The following ATP1A3 variants were observed in gnomAD, a reference collection of about 807,000 sequenced individuals.
ATP1A3 encodes ATPase Na+/K+ transporting subunit alpha 3, also known as sodium/potassium-transporting ATPase subunit alpha-3.
Under a neutral mutation model 108.8 loss-of-function variants are expected in ATP1A3, and 12 were observed. That is an observed-to-expected ratio of 0.11 (90% CI 0.07 to 0.18). The LOEUF (loss-of-function observed/expected upper bound fraction) is 0.18, where lower values mean the gene tolerates loss of function less well. Ranked by LOEUF, ATP1A3 falls within the 10% of genes least tolerant of loss-of-function variation. The pLI, the probability that ATP1A3 is intolerant of heterozygous loss-of-function variation, is 1.00. For missense variants in ATP1A3, 498 were observed against 1,387.7 expected, an observed-to-expected ratio of 0.36 and a Z score of 10.19; for synonymous variants, 539 against 564.5, an observed-to-expected ratio of 0.95 and a Z score of 0.64.
intron 8 of ATP1A3, among the ~76,000 whole-genome samples, chr19:41,982,736 C>T (rs1239902407): frequency 6.6e-6 from 1 of 152,148 alleles, no homozygotes; most frequent in Non-Finnish European, 1.5e-5. Flanking sequence ...AAATACATTA[C>T]TGCTGCCTGC....
In ATP1A3 at chr19:41,969,596, A is replaced by C; in HGVS notation, c.2543-16T>G. On this transcript the variant is annotated splice_polypyrimidine_tract_variant and intron_variant, in intron 18 of 22. Transcript: ENST00000648268. ...TGGATCATTCCTGGAAGGAGGAGAGAGGAAGCCGAGGAGAGGCTCAGATTG... is the reference window on the plus strand; with the variant it reads ...TGGATCATTCCTGGAAGGAGGAGAGCGGAAGCCGAGGAGAGGCTCAGATTG... 7 of 1,612,946 alleles carry C rather than the reference A, an allele frequency of 4.3e-6. No individual in the cohort carries two copies. The highest frequency in any genetic ancestry group is 5.9e-6 in the Non-Finnish European group (7 of 1,179,950).
At position 41,967,546 on chromosome 19, in the gene ATP1A3, T is replaced by C; in HGVS notation, c.2921+116A>G. On this transcript the variant is annotated intron_variant, in intron 21 of 22. Coordinates refer to ENST00000648268, the MANE Select transcript of ATP1A3 (RefSeq NM_152296.5). This position sits in a 1 kb window ranked among gnomAD's most constrained non-coding sequence, Gnocchi z 4.2. ...TGGGGGAGGCTCGGGGGCATCAGAA[T>C]GGGGACTGCAGTGGGGACACCAGGG... The C allele has an allele frequency of 8.2e-7, 1 of 1,217,782 alleles. No homozygotes were observed. Among genetic ancestry groups the C allele is most frequent in the Non-Finnish European group, 1.2e-6 (1 of 861,156 alleles). The allele number at this position is 1,217,782 out of a possible 1,614,324, so 75.4% of individuals were successfully genotyped here.
rs1555859024 is a variant in ATP1A3, at chr19:41,967,997, C to T, written c.2820-234G>A. ...GAAAGAGACAAAAGACAGGGACAGA[C>T]ACAGAGACAGGGACAGACACAGAGA... is the stretch of plus-strand genomic sequence containing the variant. On this transcript the variant is annotated intron_variant, in intron 20 of 22. Coordinates refer to ENST00000648268, the MANE Select transcript of ATP1A3 (RefSeq NM_152296.5). This position sits in a 1 kb window ranked among gnomAD's most constrained non-coding sequence, Gnocchi z 4.2. Among the ~76,000 whole-genome samples, 1 of 150,566 alleles carries T rather than the reference C, an allele frequency of 6.6e-6. No homozygotes were observed.
intron 8 of ATP1A3, among the ~76,000 whole-genome samples, chr19:41,982,957 C>T (rs755738800): frequency 9.2e-5 from 14 of 152,144 alleles, no homozygotes; most frequent in Non-Finnish European, 1.9e-4. Context: ...TTGCAGCTGA[C>T]GTGATTCTGT....
chr19:41,975,159 C>A (rs1443992614), intron 16 of ATP1A3, among the ~76,000 whole-genome samples: 4 of 152,134 alleles, frequency 2.6e-5, no homozygotes, highest in Non-Finnish European at 5.9e-5. Flanking sequence ...TCAAGCAATT[C>A]TCCTGCCTCA....
At chr19:41,986,854 C>G (rs1314024609) in intron 4 of ATP1A3, among the ~76,000 whole-genome samples, 1 of 151,070 alleles carries the variant, frequency 6.6e-6, no homozygotes, top group Non-Finnish European at 1.5e-5. Flanking sequence ...GCAATCCTCC[C>G]TCCTCAGCCT....
In ATP1A3 at chr19:41,969,400, C is replaced by T. The variant is rs79365977; in HGVS notation, c.2688+35G>A. On this transcript the variant is annotated intron_variant, in intron 19 of 22. Coordinates refer to ENST00000648268, the MANE Select transcript of ATP1A3 (RefSeq NM_152296.5). Reference sequence around the variant, plus strand: ...GGAACAGCTCACCCCGGGGATCTTACGGTGGGCAGAGACACAGCACCCTGC... The same window carrying T: ...GGAACAGCTCACCCCGGGGATCTTATGGTGGGCAGAGACACAGCACCCTGC... 3.0e-3 allele frequency: 4,904 copies of T among 1,613,980 alleles called. 73 individuals are homozygous for T. The African/African-American group carries it at 0.039, about 13-fold the overall frequency.
Position 41,966,604 on chromosome 19 carries a change from T to C in ATP1A3, c.*333A>G. 4.2e-6 allele frequency: 6 copies of C among 1,428,946 alleles called. No individual in the cohort carries two copies. Among genetic ancestry groups the C allele is most frequent in the Non-Finnish European group, 4.7e-6 (5 of 1,069,476 alleles). The allele number at this position is 1,428,946 out of a possible 1,614,324, so 88.5% of individuals were successfully genotyped here. A position where few individuals can be genotyped will look rare whatever the true frequency, so the allele number is the denominator to read the frequency against. Reference sequence around the variant, plus strand: ...CGCTTCTCTCTCCCCACTGATATATTTGATAATTGTCCAGAACCAGAGATG... The same window carrying C: ...CGCTTCTCTCTCCCCACTGATATATCTGATAATTGTCCAGAACCAGAGATG... On this transcript the variant is annotated 3_prime_UTR_variant, in exon 23 of 23. Transcript: ENST00000648268.
Position 41,988,215 on chromosome 19 carries a change from C to T in ATP1A3, c.154-76G>A, listed in dbSNP as rs554933850. 36 of 1,612,460 alleles carry T rather than the reference C, an allele frequency of 2.2e-5. No individual in the cohort carries two copies. In the East Asian group the frequency reaches 7.6e-4, roughly 34 times the overall value. The stretch of plus-strand genomic sequence containing the variant: ...CCAGGCCTTCACCAGACCCCCAGAA[C>T]TTAAGACACCAGCCACAGCCCCTCC... On this transcript the variant is annotated intron_variant, in intron 3 of 22. Transcript: ENST00000648268. This position sits in a 1 kb window ranked among gnomAD's most constrained non-coding sequence, Gnocchi z 5.3.
chr19:41,991,904 G>A (rs1361542161), intron 1 of ATP1A3, among the ~76,000 whole-genome samples: 4 of 150,466 alleles, frequency 2.7e-5, no homozygotes, highest in African/African-American at 9.9e-5. Context: ...TGAGGGAGGA[G>A]GGGCTGGGCC....
intron 14 of ATP1A3, 76 bp from the exon 15 acceptor site, chr19:41,976,642 A>C: frequency 2.5e-6 from 4 of 1,597,118 alleles, no homozygotes; most frequent in East Asian, 2.2e-5. Context: ...AAAGACAGAG[A>C]AACAGAGGGG....
At position 41,967,553 on chromosome 19, in the gene ATP1A3, T is replaced by C; in HGVS notation, c.2921+109A>G. On this transcript the variant is annotated intron_variant, in intron 21 of 22. Transcript: ENST00000648268. This position sits in a 1 kb window ranked among gnomAD's most constrained non-coding sequence, Gnocchi z 4.2. ...GGCTCGGGGGCATCAGAATGGGGAC[T>C]GCAGTGGGGACACCAGGGGAGGTGG... 1 of 1,257,410 alleles carries C rather than the reference T, an allele frequency of 8.0e-7. No homozygotes were observed. Among genetic ancestry groups the C allele is most frequent in the Non-Finnish European group, 1.1e-6 (1 of 887,738 alleles). 77.9% of individuals were successfully genotyped at this position (1,257,410 alleles called of 1,614,324 possible).
Position 41,985,741 on chromosome 19 carries a change from A to G in ATP1A3, c.606+123T>C, listed in dbSNP as rs1555865191. 25 of 1,435,980 alleles carry G rather than the reference A, an allele frequency of 1.7e-5. No homozygotes were observed. The highest frequency in any genetic ancestry group is 2.3e-5 in the Non-Finnish European group (25 of 1,067,228). The allele number at this position is 1,435,980 out of a possible 1,614,324, so 89.0% of individuals were successfully genotyped here. On this transcript the variant is annotated intron_variant, in intron 6 of 22. Coordinates refer to ENST00000648268, the MANE Select transcript of ATP1A3 (RefSeq NM_152296.5). The surrounding 1 kb of genome is among the most constrained non-coding windows in gnomAD (Gnocchi z 8.2). ...GAGGGAGGAGGGCCTGGGGGCCTGG[A>G]CTCCTGGGTCTGAGGGAGGAGGGGT...
Position 41,984,716 on chromosome 19 carries a change from A to G in ATP1A3, c.993+202T>C, listed in dbSNP as rs542165879. 6.5e-6 allele frequency: 4 copies of G among 611,062 alleles called. No individual in the cohort carries two copies. The East Asian group carries it at 8.4e-5, about 13-fold the overall frequency. The allele number at this position is 611,062 out of a possible 1,614,324, so 37.9% of individuals were successfully genotyped here. A position where few individuals can be genotyped will look rare whatever the true frequency, so the allele number is the denominator to read the frequency against. ...TCAGGCCCAAGTTGTCTTTCACAAG[A>G]ATACTGTGATCCAGGCCCCCAGCCC... On this transcript the variant is annotated intron_variant, in intron 8 of 22. Coordinates refer to ENST00000648268, the MANE Select transcript of ATP1A3 (RefSeq NM_152296.5).
chr19:41,972,905 G>A (rs2075128722), intron 16 of ATP1A3, among the ~76,000 whole-genome samples: 1 of 150,856 alleles, frequency 6.6e-6, no homozygotes, highest in Non-Finnish European at 1.5e-5. Flanking sequence ...GAGGGAGGAA[G>A]GGAGGGAGGG....
At chr19:41,990,831 C>T (rs1300141576) in intron 1 of ATP1A3, 1 of 152,108 alleles carries the variant, frequency 6.6e-6, no homozygotes, top group African/African-American at 2.4e-5. Context: ...TCTCCTCTCT[C>T]TGTCTCTGGA....
chr19:41,981,351 C>T lies in ATP1A3; in HGVS notation c.1437+151G>A. ...CTCACTCCAACAGAGATCCGGCTCC[C>T]ACTCTCAAGCTCTCCCTGTTCCTCT... On this transcript the variant is annotated intron_variant, in intron 11 of 22. Transcript: ENST00000648268. The surrounding 1 kb of genome is among the most constrained non-coding windows in gnomAD (Gnocchi z 5.0). 1 of 1,285,364 alleles carries T rather than the reference C, an allele frequency of 7.8e-7. No individual in the cohort carries two copies. The highest frequency in any genetic ancestry group is 1.8e-5 in the Admixed American group (1 of 54,500). The allele number at this position is 1,285,364 out of a possible 1,614,324, so 79.6% of individuals were successfully genotyped here.
At chr19:41,972,275 A>G (rs567518901) in intron 16 of ATP1A3, among the ~76,000 whole-genome samples, 67 of 151,742 alleles carry the variant, frequency 4.4e-4, no homozygotes, top group African/African-American at 1.6e-3. Context: ...AATAAAATAA[A>G]CATTAGTCAG....
At position 41,978,578 on chromosome 19, in the gene ATP1A3, C is replaced by A. The variant is rs1276907109; in HGVS notation, c.1630+28G>T. ...CACAACCCTCCTTGCCCTCCAGGGACCCCAGAGCCCGCCCGGCAGCCTCGC... is the reference window on the plus strand; with the variant it reads ...CACAACCCTCCTTGCCCTCCAGGGAACCCAGAGCCCGCCCGGCAGCCTCGC... On this transcript the variant is annotated intron_variant, in intron 12 of 22. Coordinates refer to ENST00000648268, the MANE Select transcript of ATP1A3 (RefSeq NM_152296.5). The surrounding 1 kb of genome is among the most constrained non-coding windows in gnomAD (Gnocchi z 8.3). 6.2e-7 allele frequency: 1 copy of A among 1,610,418 alleles called. No individual in the cohort carries two copies. The highest frequency in any genetic ancestry group is 8.5e-7 in the Non-Finnish European group (1 of 1,179,818).
Sources: allele counts gnomAD v4.1 joint callset (sites outside exome capture counted in the v4.1 genomes callset), GRCh38; gene constraint gnomAD v4.1.1; non-coding constraint Gnocchi (gnomAD v3.1); transcripts MANE v1.5; gene names NCBI Gene and HGNC (gene_info 2026-07-23, HGNC 2026-07-21).